RNLS: variants seen among roughly 807,000 people sequenced by gnomAD.
RNLS encodes the protein renalase.
RNLS carries 39 observed loss-of-function variants against 39.8 expected under a neutral mutation model. The ratio of observed to expected loss-of-function variants is 0.98; its 90% CI spans 0.76 to 1.28. RNLS has a LOEUF of 1.28. Ranked by LOEUF, RNLS falls within the 50% of genes most tolerant of loss-of-function variation. RNLS has a pLI of 0.00. For synonymous variants in RNLS, 147 were observed against 150.7 expected (o/e 0.98, Z 0.18); for missense variants, 410 against 413.3 (o/e 0.99, Z 0.07).
At chr10:88,410,381 G>T (rs1160798035) in intron 4 of RNLS, among the ~76,000 whole-genome samples, 1 of 151,884 alleles carries the variant, frequency 6.6e-6, no homozygotes, top group Non-Finnish European at 1.5e-5. Flanking sequence ...AATAAAACTT[G>T]ATTTTGGACC....
At chr10:88,570,689 C>A (rs991007507) in intron 4 of RNLS, among the ~76,000 whole-genome samples, 2 of 152,170 alleles carry the variant, frequency 1.3e-5, no homozygotes, top group African/African-American at 4.8e-5. Flanking sequence ...AAATTTAAGT[C>A]TTGGGCAGAG....
intron 4 of RNLS, among the ~76,000 whole-genome samples, chr10:88,562,155 GA>G (rs1445182686): frequency 1.4e-4 from 21 of 152,178 alleles, no homozygotes; most frequent in African/African-American, 4.8e-4. Context: ...CAGGTTTTTT[GA>G]GCCAGAAATT....
chr10:88,252,822 A>G, the RNLS span, among the ~76,000 whole-genome samples: 1 of 152,224 alleles, frequency 6.6e-6, no homozygotes, highest in African/African-American at 2.4e-5. Context: ...TAGTGAATGT[A>G]TGGCTATTTA....
intron 4 of RNLS, among the ~76,000 whole-genome samples, chr10:88,403,741 T>G (rs1853083633): frequency 6.6e-6 from 1 of 151,920 alleles, no homozygotes; most frequent in Non-Finnish European, 1.5e-5. Context: ...TTTGTCTAGT[T>G]TAATACAGGA....
intron 5 of RNLS, among the ~76,000 whole-genome samples, chr10:88,337,926 C>T (rs1847632956): frequency 6.6e-6 from 1 of 152,134 alleles, no homozygotes; most frequent in Admixed American, 6.5e-5. Flanking sequence ...CCTCCCATCT[C>T]CCCCAAATCT....
chr10:88,174,372 A>G, the RNLS span, among the ~76,000 whole-genome samples: 1 of 151,996 alleles, frequency 6.6e-6, no homozygotes, highest in Non-Finnish European at 1.5e-5. Context: ...ATGTTTCCCC[A>G]TACAGTATAA....
chr10:88,441,309 C>A (rs928155327), intron 4 of RNLS, among the ~76,000 whole-genome samples: 1 of 152,112 alleles, frequency 6.6e-6, no homozygotes, highest in East Asian at 1.9e-4. Context: ...TAGAGCAAGC[C>A]CTTCCTTCCC....
At chr10:88,368,246 C>T (rs1828256858) in intron 4 of RNLS, among the ~76,000 whole-genome samples, 1 of 151,924 alleles carries the variant, frequency 6.6e-6, no homozygotes, top group African/African-American at 2.4e-5. Flanking sequence ...TACTTCCCCT[C>T]ATCCACCCTA....
chr10:88,503,944 A>G (rs1452319369), intron 4 of RNLS, among the ~76,000 whole-genome samples: 3 of 152,146 alleles, frequency 2.0e-5, no homozygotes, highest in Admixed American at 1.3e-4. Flanking sequence ...ATTCTACAGG[A>G]AGATAGCTAC....
the RNLS span, among the ~76,000 whole-genome samples, chr10:88,222,691 GA>G: frequency 9.4e-5 from 8 of 84,860 alleles, 1 homozygote; most frequent in African/African-American, 4.7e-4. Flanking sequence ...ATCACCATGA[GA>G]GGTAAGTGTC....
intron 4 of RNLS, chr10:88,545,420 C>T (rs11202769): frequency 0.41 from 185,326 of 455,162 alleles, 40,398 homozygotes; most frequent in African/African-American, 0.62. Flanking sequence ...CTCACAATCA[C>T]GGTGGAAGAC....
In RNLS at chr10:88,494,720, T is replaced by G. The variant is rs528368014; in HGVS notation, c.526+78183A>C. Among the ~76,000 whole-genome samples the G allele has an allele frequency of 3.3e-5, 5 of 152,240 alleles. No homozygotes were observed. The East Asian group carries it at 9.7e-4, about 29-fold the overall frequency. ...GGGCCTAGAGACCTTGGCCAACTTG[T>G]GGTACCAATGTTCACCAATTGTGTG... On this transcript the variant is annotated intron_variant, in intron 4 of 6. Coordinates refer to ENST00000331772, the MANE Select transcript of RNLS (RefSeq NM_001031709.3).
the RNLS span, among the ~76,000 whole-genome samples, chr10:88,210,533 T>C: frequency 6.6e-6 from 1 of 152,188 alleles, no homozygotes; most frequent in Admixed American, 6.5e-5. Context: ...TTTCCAGTAT[T>C]TGCAAACTGG....
chr10:88,238,980 A>G, the RNLS span, among the ~76,000 whole-genome samples: 6 of 152,076 alleles, frequency 3.9e-5, no homozygotes, highest in Non-Finnish European at 8.8e-5. Context: ...GAAATCAAAC[A>G]TGTAAGGAAA....
chr10:88,486,347 A>C (rs1844521231), intron 4 of RNLS, among the ~76,000 whole-genome samples: 1 of 152,180 alleles, frequency 6.6e-6, no homozygotes, highest in South Asian at 2.1e-4. Flanking sequence ...AAGCAATTGC[A>C]GCAAAAGTAA....
At chr10:88,545,574 ACCTCCCACTGGGTC>A (rs1270950356) in intron 4 of RNLS, 9 of 417,618 alleles carry the variant, frequency 2.2e-5, no homozygotes, top group Non-Finnish European at 4.4e-5. Context: ...TGATTCAGTT[ACCTCCCACTGGGTC>A]CCTCCCATGA....
intron 4 of RNLS, among the ~76,000 whole-genome samples, chr10:88,408,568 G>A (rs970770444): frequency 1.3e-5 from 2 of 151,822 alleles, no homozygotes; most frequent in Admixed American, 6.6e-5. Context: ...CACTGCACCC[G>A]GCCAATAAAT....
intron 4 of RNLS, among the ~76,000 whole-genome samples, chr10:88,500,468 C>T (rs945994710): frequency 2.0e-5 from 3 of 152,100 alleles, no homozygotes; most frequent in Admixed American, 6.6e-5. Flanking sequence ...TTTAGGAACA[C>T]GTGATGGGGT....
the RNLS span, among the ~76,000 whole-genome samples, chr10:88,257,118 TTCCATCC>T: frequency 1.3e-5 from 2 of 152,216 alleles, no homozygotes; most frequent in Non-Finnish European, 2.9e-5. Flanking sequence ...TCTGTGATTT[TTCCATCC>T]TCCATCATTC....
Sources: allele counts gnomAD v4.1 joint callset (sites outside exome capture counted in the v4.1 genomes callset), GRCh38; gene constraint gnomAD v4.1.1; transcripts MANE v1.5; gene names NCBI Gene and HGNC (gene_info 2026-07-23, HGNC 2026-07-21).